CACNA1A: variants seen among roughly 807,000 people sequenced by gnomAD.
The protein encoded by CACNA1A is voltage-dependent P/Q-type calcium channel subunit alpha-1A.
Under a neutral mutation model 262.4 loss-of-function variants are expected in CACNA1A, and 57 were observed. The ratio of observed to expected loss-of-function variants is 0.22; its 90% CI spans 0.18 to 0.27. The LOEUF is 0.27. Among genes scored for constraint, CACNA1A ranks in the 10% least tolerant of loss-of-function variants. The pLI, the probability that CACNA1A is intolerant of heterozygous loss-of-function variation, is 1.00. For synonymous variants in CACNA1A, 1,431 were observed against 1,419.3 expected (o/e 1.01, Z -0.18); for missense variants, 2,526 against 3,562.8 (o/e 0.71, Z 7.41).
At chr19:13,290,170 A>T (rs1320666984) in intron 19 of CACNA1A, among the ~76,000 whole-genome samples, 1 of 151,442 alleles carries the variant, frequency 6.6e-6, no homozygotes, top group Non-Finnish European at 1.5e-5. Context: ...TCCTGGCTTC[A>T]AGAGATCCAT....
chr19:13,472,910 G>A (rs182784216), intron 1 of CACNA1A, among the ~76,000 whole-genome samples: 48 of 152,226 alleles, frequency 3.2e-4, no homozygotes, highest in African/African-American at 1.2e-3. Context: ...AGATGAGATT[G>A]TCCTGGATTA....
intron 3 of CACNA1A, among the ~76,000 whole-genome samples, chr19:13,414,135 G>T (rs1157818514): frequency 6.6e-6 from 1 of 151,940 alleles, no homozygotes; most frequent in Admixed American, 6.6e-5. Context: ...GAAGTGGGAG[G>T]ATCCTTGAGC....
In CACNA1A at chr19:13,207,723, C is replaced by T. The variant is rs1341478713; in HGVS notation, c.7111G>A (p.Val2371Ile). Reference protein sequence around the residue: ...SGRSPRMERRVPGPARSESPR... With the variant: ...SGRSPRMERRIPGPARSESPR... Reference sequence around the variant, plus strand: ...GACTCGCTCCGGGCCGGGCCTGGGACCCGCCTCTCCATCCTGGGCGAGCGG... The same window carrying T: ...GACTCGCTCCGGGCCGGGCCTGGGATCCGCCTCTCCATCCTGGGCGAGCGG... The change falls in exon 47 of 47, where the codon GTC (valine) becomes ATC (isoleucine). Residue 2371 changes from valine (V) to isoleucine (I), a missense_variant. Physicochemically the swap from Val to Ile is conservative, Grantham distance 29. Coordinates refer to ENST00000360228, the MANE Select transcript of CACNA1A (RefSeq NM_001127222.2). This position sits in a 1 kb window ranked among gnomAD's most constrained non-coding sequence, Gnocchi z 5.7. 5 of 1,365,496 alleles carry T rather than the reference C, an allele frequency of 3.7e-6. No individual in the cohort carries two copies. Among genetic ancestry groups the T allele is most frequent in the Non-Finnish European group, 4.7e-6 (5 of 1,065,068 alleles). The allele number at this position is 1,365,496 out of a possible 1,614,324, so 84.6% of individuals were successfully genotyped here. A position where few individuals can be genotyped will look rare whatever the true frequency, so the allele number is the denominator to read the frequency against.
At chr19:13,391,849 C>A (rs1345572423) in intron 3 of CACNA1A, among the ~76,000 whole-genome samples, 1 of 151,860 alleles carries the variant, frequency 6.6e-6, no homozygotes, top group Non-Finnish European at 1.5e-5. Context: ...CCAGCCTGGG[C>A]AACATGGTGA....
At chr19:13,376,779 A>ATG (rs2059418307) in intron 3 of CACNA1A, among the ~76,000 whole-genome samples, 2 of 111,944 alleles carry the variant, frequency 1.8e-5, no homozygotes, top group African/African-American at 3.9e-5. Context: ...TATAACACAT[A>ATG]ATATATGTGA....
At chr19:13,466,494 C>T (rs1365722273) in intron 1 of CACNA1A, among the ~76,000 whole-genome samples, 3 of 151,954 alleles carry the variant, frequency 2.0e-5, no homozygotes, top group African/African-American at 4.8e-5. Context: ...GCACCCACCA[C>T]CATACCTGGC....
At chr19:13,312,519 G>C (rs2058054288) in intron 12 of CACNA1A, 150 bp downstream of exon 12, 1 of 581,078 alleles carries the variant, frequency 1.7e-6, no homozygotes, top group African/African-American at 2.0e-5. Context: ...ATCCTTGCCA[G>C]TGTTTGGGAT....
chr19:13,224,624 AC>A (rs2144594662), intron 38 of CACNA1A, 42 bp downstream of exon 38: 2 of 1,378,598 alleles, frequency 1.5e-6, no homozygotes, highest in African/African-American at 2.9e-5. Context: ...CCCCGGTTCC[AC>A]CCTGTCACGC....
chr19:13,248,994 G>A (rs2056325872), intron 30 of CACNA1A, among the ~76,000 whole-genome samples: 2 of 152,088 alleles, frequency 1.3e-5, no homozygotes, highest in African/African-American at 2.4e-5. Context: ...TTAGAGTCCG[G>A]GTCTTGTGTT....
At chr19:13,278,349 G>A (rs1002360609) in intron 22 of CACNA1A, among the ~76,000 whole-genome samples, 3 of 152,120 alleles carry the variant, frequency 2.0e-5, no homozygotes, top group Non-Finnish European at 4.4e-5. Context: ...TGTTCCCCAA[G>A]ATGCTTCCAC....
chr19:13,490,435 T>G (rs902957547), intron 1 of CACNA1A, among the ~76,000 whole-genome samples: 5 of 152,006 alleles, frequency 3.3e-5, no homozygotes, highest in Non-Finnish European at 7.4e-5. Context: ...AAACTCCATC[T>G]CTACTAAAAA....
At chr19:13,346,644 ATATATATATATATATATATATATTTTTT>A (rs1487038501) in intron 6 of CACNA1A, among the ~76,000 whole-genome samples, 229 of 7,180 alleles carry the variant, frequency 0.032, 5 homozygotes, top group East Asian at 0.059. Context: ...ATATATATAT[ATATATATATATATATATATATATTTTTT>A]TTTTTTTTTT....
At chr19:13,413,893 GAA>G (rs372298106) in intron 3 of CACNA1A, among the ~76,000 whole-genome samples, 27 of 48,432 alleles carry the variant, frequency 5.6e-4, no homozygotes, top group African/African-American at 3.2e-3. Context: ...AAGAAAGAAA[GAA>G]AAAGAAAGAA....
intron 3 of CACNA1A, among the ~76,000 whole-genome samples, chr19:13,388,484 G>A (rs1191304702): frequency 6.6e-6 from 1 of 152,036 alleles, no homozygotes; most frequent in Non-Finnish European, 1.5e-5. Context: ...TCGAACTCCT[G>A]ACCTTAAGTG....
chr19:13,377,511 C>T (rs191459928), intron 3 of CACNA1A, among the ~76,000 whole-genome samples: 32 of 151,254 alleles, frequency 2.1e-4, no homozygotes, highest in East Asian at 1.2e-3. Flanking sequence ...TACAGTCATA[C>T]GCCACCATGC....
chr19:13,285,952 ATTTTTTTT>A (rs74181819), intron 20 of CACNA1A, among the ~76,000 whole-genome samples: 6 of 95,816 alleles, frequency 6.3e-5, no homozygotes, highest in East Asian at 3.4e-4. Context: ...GCAGTTCACC[ATTTTTTTT>A]TTTTTTTTTT....
chr19:13,422,885 C>G (rs1026514144), intron 3 of CACNA1A, among the ~76,000 whole-genome samples: 2 of 152,252 alleles, frequency 1.3e-5, no homozygotes, highest in African/African-American at 4.8e-5. Flanking sequence ...CAGCTGGAAG[C>G]TCATGCCTGA....
rs544613261 is a variant in CACNA1A at position 13,331,108 on chromosome 19, T to C, written c.1256-775A>G. ...GATTACCTAACTCATTTAGGGGAGT[T>C]AGGTAATCTCCCCTCCCCAACTAAG... On this transcript the variant is annotated intron_variant, in intron 9 of 46. Coordinates refer to ENST00000360228, the MANE Select transcript of CACNA1A (RefSeq NM_001127222.2). Among the ~76,000 whole-genome samples, 23 of 152,204 alleles carry C rather than the reference T, an allele frequency of 1.5e-4. No homozygotes were observed. In the South Asian group the frequency reaches 3.5e-3, roughly 23 times the overall value.
intron 3 of CACNA1A, among the ~76,000 whole-genome samples, chr19:13,378,326 T>G (rs1381925363): frequency 6.6e-6 from 1 of 152,236 alleles, no homozygotes; most frequent in Non-Finnish European, 1.5e-5. Context: ...ACATGAGATT[T>G]AGAATATGAC....
Sources: allele counts gnomAD v4.1 joint callset (sites outside exome capture counted in the v4.1 genomes callset), GRCh38; gene constraint gnomAD v4.1.1; non-coding constraint Gnocchi (gnomAD v3.1); transcripts MANE v1.5; gene names NCBI Gene and HGNC (gene_info 2026-07-23, HGNC 2026-07-21).